Variants in IMPDH2 observed in about 807,000 individuals in gnomAD.
IMPDH2 encodes the protein inosine monophosphate dehydrogenase 2, also known as inosine-5'-monophosphate dehydrogenase 2.
In IMPDH2, 33 loss-of-function variants were observed where a neutral mutation model predicts 57.8. The observed-to-expected ratio is 0.57, with a 90% CI of 0.43 to 0.76. The LOEUF (loss-of-function observed/expected upper bound fraction) is 0.76, where lower values mean the gene tolerates loss of function less well. Among genes scored for constraint, IMPDH2 ranks in the 30% least tolerant of loss-of-function variants. The probability of loss-of-function intolerance (pLI) is 0.00; values close to 1 mark genes in which losing one functional copy is unlikely to be tolerated. For synonymous variants in IMPDH2, 270 were observed against 241.3 expected (o/e 1.12, Z -1.10); for missense variants, 446 against 659.1 (o/e 0.68, Z 3.54).
chr3:49,028,592 G>C (rs1415314090), intron 2 of IMPDH2, 60 bp from the exon 3 acceptor site: 9 of 1,448,242 alleles, frequency 6.2e-6, no homozygotes, highest in Non-Finnish European at 7.8e-6. Context: ...AGGTGTTACT[G>C]AGTCCCCCAC....
rs768318227 is a variant in IMPDH2 at position 49,024,596 on chromosome 3, T to A, written c.1440-18A>T. 5.3e-5 allele frequency: 85 copies of A among 1,613,808 alleles called. No homozygotes were observed. Among genetic ancestry groups the A allele is most frequent in the Non-Finnish European group, 6.5e-5 (77 of 1,179,968 alleles). ...TCATGGCTCTGAAGAAGGGCAGAGG[T>A]CAAATGTGGGTAGCTGGCCCTGGAC... On this transcript the variant is annotated intron_variant, in intron 12 of 13. Transcript: ENST00000326739.
At chr3:49,024,426 G>A (rs753267623) in intron 13 of IMPDH2, 22 bp from the exon 14 acceptor site, 2 of 1,614,068 alleles carry the variant, frequency 1.2e-6, no homozygotes, top group Admixed American at 3.3e-5. Context: ...AGGACCACCT[G>A]TGAGGTGAGG....
chr3:49,026,858 A>G lies in IMPDH2; in HGVS notation c.648T>C (p.Asp216=). The change falls in exon 7 of 14, where the codon GAT becomes GAC. Residue 216 remains aspartate, a synonymous_variant. Coordinates refer to ENST00000326739, the MANE Select transcript of IMPDH2 (RefSeq NM_000884.3). ...TCCGGGCAATGATGGCCACAAGCTC[A>G]TCATCTTCATTTACAATGGGCAACT... ...KGKLPIVNED[D]ELVAIIARTD... 6.2e-7 allele frequency: 1 copy of G among 1,611,074 alleles called. No homozygotes were observed. The highest frequency in any genetic ancestry group is 8.5e-7 in the Non-Finnish European group (1 of 1,177,152).
intron 1 of IMPDH2, 34 bp from the exon 2 acceptor site, chr3:49,028,840 T>A: frequency 1.3e-6 from 2 of 1,585,844 alleles, no homozygotes; most frequent in African/African-American, 1.3e-5. Context: ...GGAGTAAAGC[T>A]CTCAGCTTAG....
intron 9 of IMPDH2, 79 bp downstream of exon 9, chr3:49,026,245 C>G: frequency 9.3e-7 from 1 of 1,078,942 alleles, no homozygotes; most frequent in African/African-American, 1.6e-5. Context: ...CTCTATTGTC[C>G]CCATAAGAGT....
rs1395394390 is a variant in IMPDH2 at position 49,024,654 on chromosome 3, C to T, written c.1439+5G>A. ...TCTACCCATGTCCCAGCTCCCCAAG[C>T]TCACCGGACTTGGGTCAAGCTCTTG... On this transcript the variant is annotated splice_donor_5th_base_variant and intron_variant, in intron 12 of 13. Transcript: ENST00000326739. 6.2e-7 allele frequency: 1 copy of T among 1,614,218 alleles called. No individual in the cohort carries two copies. Among genetic ancestry groups the T allele is most frequent in the East Asian group, 2.2e-5 (1 of 44,888 alleles).
In IMPDH2 at chr3:49,028,546, C is replaced by T. The variant is rs184172327; in HGVS notation, c.148-14G>A. On this transcript the variant is annotated splice_polypyrimidine_tract_variant and intron_variant, in intron 2 of 13. Transcript: ENST00000326739. ...AGAAGTCAGGTCCTGAGGAGACAAA[C>T]GTCAACCAGTGTGGGAAAGCATCCC... is the stretch of plus-strand genomic sequence containing the variant. 1.2e-5 allele frequency: 19 copies of T among 1,598,984 alleles called. No homozygotes were observed. Among genetic ancestry groups the T allele is most frequent in the Non-Finnish European group, 1.5e-5 (17 of 1,166,456 alleles).
At chr3:49,026,004 C>A (rs752181047) in intron 9 of IMPDH2, 7 of 489,884 alleles carry the variant, frequency 1.4e-5, no homozygotes, top group Non-Finnish European at 2.8e-5. Flanking sequence ...CTATAGCAAC[C>A]CGTGACAGTA....
At chr3:49,027,424 A>G (rs575022359) in intron 5 of IMPDH2, among the ~76,000 whole-genome samples, 21 of 152,214 alleles carry the variant, frequency 1.4e-4, no homozygotes, top group Admixed American at 2.6e-4. Context: ...ACTATGGAAT[A>G]AGGAGGACAA....
intron 10 of IMPDH2, 31 bp from the exon 11 acceptor site, chr3:49,025,071 C>G: frequency 6.2e-7 from 1 of 1,614,188 alleles, no homozygotes; most frequent in African/African-American, 1.3e-5. Context: ...TGGGTTAGAG[C>G]CTAAGCAGCA....
At chr3:49,024,868 G>A in intron 11 of IMPDH2, 28 bp downstream of exon 11, 3 of 1,614,196 alleles carry the variant, frequency 1.9e-6, no homozygotes, top group Non-Finnish European at 2.5e-6. Context: ...GCAGGATTAG[G>A]GTGGGGTAAC....
chr3:49,028,725 G>C (rs752746903), intron 2 of IMPDH2, 33 bp downstream of exon 2: 8 of 1,582,712 alleles, frequency 5.1e-6, no homozygotes, highest in South Asian at 3.3e-5. Context: ...AGCTCACCTT[G>C]ATGTTCAGGA....
chr3:49,029,159 C>T, intron 1 of IMPDH2, 94 bp downstream of exon 1: 1 of 1,037,088 alleles, frequency 9.6e-7, no homozygotes, highest in Middle Eastern at 2.0e-4. Context: ...GTCCCCCACG[C>T]CCACGCCCAA....
chr3:49,026,281 T>G (rs772667126), intron 9 of IMPDH2, 43 bp downstream of exon 9: 2 of 1,399,850 alleles, frequency 1.4e-6, no homozygotes, highest in Non-Finnish European at 1.0e-6. Flanking sequence ...ATGTGGGGCC[T>G]GAAACTGGGG....
Position 49,028,183 on chromosome 3 carries a change from T to C in IMPDH2, c.324+65A>G, listed in dbSNP as rs1166930106. Reference sequence around the variant, plus strand: ...ATACTAAATTAGAATAAACCCCTACTCCCACCCCACCCCACCTCAGTGCAA... The same window carrying C: ...ATACTAAATTAGAATAAACCCCTACCCCCACCCCACCCCACCTCAGTGCAA... On this transcript the variant is annotated intron_variant, in intron 4 of 13. Transcript: ENST00000326739. 4 of 1,303,084 alleles carry C rather than the reference T, an allele frequency of 3.1e-6. No individual in the cohort carries two copies. The African/African-American group carries it at 5.8e-5, about 19-fold the overall frequency. The allele number at this position is 1,303,084 out of a possible 1,614,324, so 80.7% of individuals were successfully genotyped here.
intron 9 of IMPDH2, 140 bp from the exon 10 acceptor site, chr3:49,025,409 G>A: frequency 1.2e-6 from 1 of 856,366 alleles, no homozygotes; most frequent in Non-Finnish European, 1.9e-6. Context: ...ACGTGTCTGG[G>A]ATGGCTGCTG....
intron 1 of IMPDH2, 58 bp from the exon 2 acceptor site, chr3:49,028,864 T>TC (rs2093211546): frequency 1.5e-6 from 2 of 1,343,880 alleles, no homozygotes; most frequent in African/African-American, 2.9e-5. Flanking sequence ...AGCATGAGAC[T>TC]CCATCCCCAT....
chr3:49,028,230 G>A lies in IMPDH2; in HGVS notation c.324+18C>T, dbSNP rs769508836. ...GCAATTCCCAGGAGCGCTTGCTAAT[G>A]ATCGTTGCCCTTCTGACCTTCACTT... On this transcript the variant is annotated intron_variant, in intron 4 of 13. Coordinates refer to ENST00000326739, the MANE Select transcript of IMPDH2 (RefSeq NM_000884.3). 21 of 1,597,594 alleles carry A rather than the reference G, an allele frequency of 1.3e-5. No individual in the cohort carries two copies. Among genetic ancestry groups the A allele is most frequent in the Non-Finnish European group, 1.8e-5 (21 of 1,165,040 alleles).
chr3:49,024,825 G>T (rs72624918), intron 11 of IMPDH2, 23 bp from the exon 12 acceptor site: 24 of 1,614,064 alleles, frequency 1.5e-5, no homozygotes, highest in Non-Finnish European at 2.0e-5. Flanking sequence ...GCAGAGACAC[G>T]GGCAAGGTCA....
Sources: allele counts gnomAD v4.1 joint callset (sites outside exome capture counted in the v4.1 genomes callset), GRCh38; gene constraint gnomAD v4.1.1; transcripts MANE v1.5; gene names NCBI Gene and HGNC (gene_info 2026-07-23, HGNC 2026-07-21).